Variants in ULK4 observed in about 807,000 individuals in gnomAD.
ULK4 encodes the protein unc-51 like kinase 4, also known as inactive serine/threonine-protein kinase ULK4.
ULK4 carries 133 observed loss-of-function variants against 160.6 expected under a neutral mutation model. The ratio of observed to expected loss-of-function variants is 0.83; its 90% confidence interval spans 0.72 to 0.96. The LOEUF is 0.96. ULK4 is among the 40% of genes least tolerant of loss of function. The pLI is 0.00. For missense variants in ULK4, 1,580 were observed against 1,499.5 expected, an observed-to-expected ratio of 1.05 and a Z score of -0.89; for synonymous variants, 534 against 539.8, an observed-to-expected ratio of 0.99 and a Z score of 0.15.
At chr3:41,267,259 C>A (rs906103343) in intron 35 of ULK4, among the ~76,000 whole-genome samples, 8 of 152,034 alleles carry the variant, frequency 5.3e-5, no homozygotes, top group Non-Finnish European at 1.0e-4. Context: ...TGAGAACATG[C>A]AATATTTGGT....
chr3:41,351,181 A>C (rs1001739379), intron 35 of ULK4, among the ~76,000 whole-genome samples: 1 of 152,144 alleles, frequency 6.6e-6, no homozygotes, highest in African/African-American at 2.4e-5. Context: ...CTTTACACCC[A>C]GCAGTATGAC....
intron 35 of ULK4, among the ~76,000 whole-genome samples, chr3:41,273,679 G>T (rs1440272141): frequency 1.3e-5 from 2 of 152,166 alleles, no homozygotes; most frequent in East Asian, 3.9e-4. Flanking sequence ...GATTGCTAGA[G>T]TGGGGGTGTG....
rs1376135823 is a variant in ULK4 at position 41,263,831 on chromosome 3, T to C, written c.3679-14257A>G. Among the ~76,000 whole-genome samples, 4 of 152,228 alleles carry C rather than the reference T, an allele frequency of 2.6e-5. No individual in the cohort carries two copies. The East Asian group carries it at 5.8e-4, about 22-fold the overall frequency. ...GTAAAGGATCCTACAAATATTAGCA[T>C]GATTCTATGGTCAATAGGACAGTGT... On this transcript the variant is annotated intron_variant, in intron 35 of 36. Transcript: ENST00000301831.
At chr3:41,348,434 C>A (rs775562394) in intron 35 of ULK4, among the ~76,000 whole-genome samples, 11 of 152,026 alleles carry the variant, frequency 7.2e-5, no homozygotes, top group Non-Finnish European at 1.3e-4. Flanking sequence ...GCTTTATTGA[C>A]ACTGATTTCT....
At chr3:41,262,371 A>G (rs1477890261) in intron 35 of ULK4, among the ~76,000 whole-genome samples, 1 of 152,192 alleles carries the variant, frequency 6.6e-6, no homozygotes, top group Admixed American at 6.5e-5. Flanking sequence ...GCTCCTTTCC[A>G]CTGACATTTC....
Position 41,856,508 on chromosome 3 carries a change from A to T in ULK4, c.1657-20537T>A, listed in dbSNP as rs1177643359. ...ATGAGGACACATTAATAAATAAATA[A>T]ATAAATATATATATATATATATATG... is the stretch of plus-strand genomic sequence containing the variant. On this transcript the variant is annotated intron_variant, in intron 17 of 36. Transcript: ENST00000301831. 3.4e-4 allele frequency among the ~76,000 whole-genome samples: 33 copies of T among 95,914 alleles called. 1 individual carries two copies. Among genetic ancestry groups the T allele is most frequent in the Non-Finnish European group, 5.1e-4 (25 of 49,262 alleles). 62.9% of individuals were successfully genotyped at this position (95,914 alleles called of 152,430 possible).
intron 32 of ULK4, among the ~76,000 whole-genome samples, chr3:41,554,844 A>G (rs2087226906): frequency 6.6e-6 from 1 of 152,198 alleles, no homozygotes; most frequent in Non-Finnish European, 1.5e-5. Context: ...CAATAAAAAT[A>G]CATTTTAAAA....
In ULK4 at chr3:41,502,417, T is replaced by G. The variant is rs150395493; in HGVS notation, c.3227-39164A>C. Among the ~76,000 whole-genome samples the G allele has an allele frequency of 6.6e-3, 1,003 of 152,334 alleles. 8 individuals are homozygous for G. Among genetic ancestry groups the G allele is most frequent in the Middle Eastern group, 0.041 (12 of 294 alleles). On this transcript the variant is annotated intron_variant, in intron 32 of 36. Transcript: ENST00000301831. ...GTTTCTTGTAAAGTTTAAAAGCACA[T>G]TTACCATATAACCCAGCAATCTCAC...
intron 27 of ULK4, among the ~76,000 whole-genome samples, chr3:41,703,657 T>C (rs1400096837): frequency 6.6e-6 from 1 of 151,404 alleles, no homozygotes; most frequent in East Asian, 1.9e-4. Flanking sequence ...ATTACAACAA[T>C]CAAAGAACAA....
chr3:41,813,263 G>C (rs1467194415), intron 19 of ULK4, among the ~76,000 whole-genome samples: 2 of 152,038 alleles, frequency 1.3e-5, no homozygotes, highest in Admixed American at 6.6e-5. Flanking sequence ...GTTTACCTAT[G>C]TAACAATCCT....
rs559738511 is a variant in ULK4, at chr3:41,491,475, G to A, written c.3227-28222C>T. On this transcript the variant is annotated intron_variant, in intron 32 of 36. Transcript: ENST00000301831. ...AGTAGAAAAATGAAAGGGCAAAAGA[G>A]GACTAAAATCTACACAAAAATATAT... Among the ~76,000 whole-genome samples the A allele has an allele frequency of 1.8e-4, 28 of 151,652 alleles. No individual in the cohort carries two copies. In the South Asian group the frequency reaches 5.8e-3, roughly 32 times the overall value.
intron 34 of ULK4, among the ~76,000 whole-genome samples, chr3:41,442,155 G>T (rs573739862): frequency 6.6e-6 from 1 of 152,194 alleles, no homozygotes; most frequent in African/African-American, 2.4e-5. Flanking sequence ...AAAGTGGACT[G>T]TTAGCTGATG....
intron 36 of ULK4, among the ~76,000 whole-genome samples, chr3:41,247,211 GCCA>G (rs2078662140): frequency 6.6e-6 from 1 of 152,162 alleles, no homozygotes; most frequent in African/African-American, 2.4e-5. Context: ...CCCAGCCCCA[GCCA>G]CCACTCACTA....
chr3:41,839,002 G>A (rs1378632252), intron 17 of ULK4, among the ~76,000 whole-genome samples: 1 of 152,162 alleles, frequency 6.6e-6, no homozygotes, highest in Admixed American at 6.5e-5. Context: ...AAGATCTATT[G>A]CACAGCACGG....
chr3:41,737,215 C>T (rs2038085038), intron 22 of ULK4, among the ~76,000 whole-genome samples: 1 of 151,836 alleles, frequency 6.6e-6, no homozygotes, highest in Non-Finnish European at 1.5e-5. Context: ...TCTTATACAC[C>T]AATAACAGAC....
chr3:41,596,954 T>C (rs1004291338), intron 31 of ULK4, among the ~76,000 whole-genome samples: 1 of 152,102 alleles, frequency 6.6e-6, no homozygotes, highest in African/African-American at 2.4e-5. Flanking sequence ...CCGTACACTA[T>C]TTAGTAGCAT....
intron 34 of ULK4, among the ~76,000 whole-genome samples, chr3:41,414,285 G>A (rs7620446): frequency 0.48 from 72,329 of 152,028 alleles, 17,943 homozygotes; most frequent in African/African-American, 0.61. Context: ...TTTATTGCAA[G>A]CACTCTTATT....
chr3:41,677,987 G>T (rs2035786683), intron 29 of ULK4, among the ~76,000 whole-genome samples: 1 of 152,040 alleles, frequency 6.6e-6, no homozygotes, highest in Non-Finnish European at 1.5e-5. Flanking sequence ...CTTGAACTGG[G>T]ACACAGGTCT....
chr3:41,336,186 A>G (rs1050984865), intron 35 of ULK4, among the ~76,000 whole-genome samples: 3 of 152,334 alleles, frequency 2.0e-5, no homozygotes, highest in Admixed American at 1.3e-4. Flanking sequence ...ACTCCCCAAT[A>G]GGACCCCAGT....
Sources: gnomAD v4.1 joint callset for allele counts (sites outside exome capture counted in the v4.1 genomes callset) on GRCh38, gnomAD v4.1.1 for gene constraint, MANE v1.5 for transcripts, NCBI Gene and HGNC (gene_info 2026-07-23, HGNC 2026-07-21) for gene names.